TTBK1: variants seen among roughly 807,000 people sequenced by gnomAD.
TTBK1 encodes the protein tau-tubulin kinase 1.
TTBK1 carries 34 observed loss-of-function variants against 108.5 expected under a neutral mutation model. That is an observed-to-expected ratio of 0.31 (90% CI 0.24 to 0.42). TTBK1 has a LOEUF of 0.42. Ranked by LOEUF, TTBK1 falls within the 10% of genes least tolerant of loss-of-function variation. The pLI is 1.00. For synonymous variants in TTBK1, 809 were observed against 795.1 expected (o/e 1.02, Z -0.29); for missense variants, 1,539 against 1,826.0 (o/e 0.84, Z 2.86).
At position 43,285,317 on chromosome 6, in the gene TTBK1, C is replaced by G; in HGVS notation, c.3907C>G (p.Gln1303Glu). 1 of 1,293,588 alleles carries G rather than the reference C, an allele frequency of 7.7e-7. No individual in the cohort carries two copies. The highest frequency in any genetic ancestry group is 2.0e-4 in the Middle Eastern group (1 of 4,948). 80.1% of individuals were successfully genotyped at this position (1,293,588 alleles called of 1,614,324 possible). Residue 1303 changes from glutamine to glutamate, a missense_variant, in exon 15 of 15, where the codon CAG becomes GAG. Coordinates refer to ENST00000259750, the MANE Select transcript of TTBK1 (RefSeq NM_032538.3). This position sits in a 1 kb window ranked among gnomAD's most constrained non-coding sequence, Gnocchi z 4.7. ...AGGACCCAGAGGGAAACTCCAGGCT[C>G]AGCGCGCAACAACCAAAGGCCGGGC... ...KKGPRGKLQA[Q>E]RATTKGRAGG... is the part of the protein sequence containing the mutation.
chr6:43,252,348 G>C (rs187128809), intron 2 of TTBK1, among the ~76,000 whole-genome samples: 28 of 151,986 alleles, frequency 1.8e-4, no homozygotes, highest in Middle Eastern at 3.4e-3. Flanking sequence ...CCTTCTGGCC[G>C]GGCACAGTGG....
intron 12 of TTBK1, among the ~76,000 whole-genome samples, chr6:43,260,369 G>A (rs1777507069): frequency 1.3e-5 from 2 of 152,184 alleles, no homozygotes. Context: ...CCTGAGAGAT[G>A]TTTCCATCTT....
chr6:43,246,158 C>T (rs781635981), intron 1 of TTBK1, among the ~76,000 whole-genome samples: 2 of 152,184 alleles, frequency 1.3e-5, no homozygotes, highest in African/African-American at 2.4e-5. Flanking sequence ...CCATGGGTCA[C>T]CCCTTGGGTA....
At chr6:43,256,709 C>T (rs1777391358) in intron 9 of TTBK1, among the ~76,000 whole-genome samples, 2 of 151,966 alleles carry the variant, frequency 1.3e-5, no homozygotes, top group Non-Finnish European at 2.9e-5. Flanking sequence ...ACAGCACTCC[C>T]GCCTGGGTGA....
At chr6:43,281,271 G>T (rs934508356) in intron 13 of TTBK1, among the ~76,000 whole-genome samples, 4 of 151,880 alleles carry the variant, frequency 2.6e-5, no homozygotes, top group Non-Finnish European at 5.9e-5. Flanking sequence ...AGCTACTAGG[G>T]AGGCTGAGAT....
chr6:43,278,882 G>C (rs1052807763), intron 13 of TTBK1, among the ~76,000 whole-genome samples: 3 of 152,230 alleles, frequency 2.0e-5, no homozygotes, highest in Non-Finnish European at 4.4e-5. Context: ...CGAAAAGCCA[G>C]CATGCCTAGG....
Position 43,253,389 on chromosome 6 carries a change from C to T in TTBK1, c.330+25C>T. ...GGTGAGTCCCCGTGGCCCATCCTCGCTCCCCTCTCTAAGAGCTTGGGCTGT... is the reference window on the plus strand; with the variant it reads ...GGTGAGTCCCCGTGGCCCATCCTCGTTCCCCTCTCTAAGAGCTTGGGCTGT... On this transcript the variant is annotated intron_variant, in intron 4 of 14. Coordinates refer to ENST00000259750, the MANE Select transcript of TTBK1 (RefSeq NM_032538.3). This position sits in a 1 kb window ranked among gnomAD's most constrained non-coding sequence, Gnocchi z 5.8. The T allele has an allele frequency of 6.2e-7, 1 of 1,612,978 alleles. No homozygotes were observed. The highest frequency in any genetic ancestry group is 1.3e-5 in the African/African-American group (1 of 75,004).
chr6:43,275,437 C>T (rs1777951856), intron 13 of TTBK1, among the ~76,000 whole-genome samples: 3 of 152,014 alleles, frequency 2.0e-5, no homozygotes, highest in African/African-American at 7.2e-5. Flanking sequence ...GGTCCCTGGC[C>T]CCGGGGCGGG....
chr6:43,282,598 C>T lies in TTBK1; in HGVS notation c.1987-129C>T. On this transcript the variant is annotated intron_variant, in intron 13 of 14. Coordinates refer to ENST00000259750, the MANE Select transcript of TTBK1 (RefSeq NM_032538.3). This position sits in a 1 kb window ranked among gnomAD's most constrained non-coding sequence, Gnocchi z 5.4. ...AGACAGACCCAGTGCCTGTGCTTAA[C>T]TTTATGGAGCTCACACTCTGGTAGA... 1 of 760,484 alleles carries T rather than the reference C, an allele frequency of 1.3e-6. No individual in the cohort carries two copies. Among genetic ancestry groups the T allele is most frequent in the Non-Finnish European group, 2.2e-6 (1 of 455,000 alleles). The allele number at this position is 760,484 out of a possible 1,614,324, so 47.1% of individuals were successfully genotyped here. A position where few individuals can be genotyped will look rare whatever the true frequency, so the allele number is the denominator to read the frequency against.
intron 13 of TTBK1, among the ~76,000 whole-genome samples, chr6:43,272,897 G>A (rs201224882): frequency 1.4e-5 from 2 of 138,504 alleles, no homozygotes; most frequent in Non-Finnish European, 3.2e-5. Flanking sequence ...TAGCCTCCTC[G>A]GGGTCAGCTT....
rs763108283 is a variant in TTBK1 at position 43,283,026 on chromosome 6, A to AGAGGAGGAGGAG, written c.2289_2300dup (p.Glu768_Glu771dup). Reference sequence around the variant, plus strand: ...AGGAAGAGGAAGAGGAGGAGGAAGAAGAGGAGGAGGAGGAAGAGGAGGAGG... The same window carrying AGAGGAGGAGGAG: ...AGGAAGAGGAAGAGGAGGAGGAAGAAGAGGAGGAGGAGGAGGAGGAGGAGGAAGAGGAGGAGG... On this transcript the variant is annotated inframe_insertion, in exon 14 of 15. Coordinates refer to ENST00000259750, the MANE Select transcript of TTBK1 (RefSeq NM_032538.3). This position sits in a 1 kb window ranked among gnomAD's most constrained non-coding sequence, Gnocchi z 8.1. The AGAGGAGGAGGAG allele has an allele frequency of 6.3e-7, 1 of 1,589,792 alleles. No homozygotes were observed. Among genetic ancestry groups the AGAGGAGGAGGAG allele is most frequent in the Non-Finnish European group, 8.6e-7 (1 of 1,166,162 alleles).
At position 43,255,443 on chromosome 6, in the gene TTBK1, G is replaced by A. The variant is rs568313411; in HGVS notation, c.643-109G>A. ...AGGGAGACCCCAGTTCTGTCCTTAGGGGCCTGGGTGTCAGGCCTCCCTGAC... is the reference window on the plus strand; with the variant it reads ...AGGGAGACCCCAGTTCTGTCCTTAGAGGCCTGGGTGTCAGGCCTCCCTGAC... On this transcript the variant is annotated intron_variant, in intron 7 of 14. Coordinates refer to ENST00000259750, the MANE Select transcript of TTBK1 (RefSeq NM_032538.3). 720 of 1,014,394 alleles carry A rather than the reference G, an allele frequency of 7.1e-4. 1 individual carries two copies. Among genetic ancestry groups the A allele is most frequent in the Non-Finnish European group, 9.2e-4 (613 of 669,794 alleles). 62.8% of individuals were successfully genotyped at this position (1,014,394 alleles called of 1,614,324 possible). A position where few individuals can be genotyped will look rare whatever the true frequency, so the allele number is the denominator to read the frequency against.
intron 13 of TTBK1, among the ~76,000 whole-genome samples, chr6:43,275,872 C>CGGGG: frequency 6.6e-6 from 1 of 152,134 alleles, no homozygotes; most frequent in East Asian, 1.9e-4. Context: ...CCCCGCTCCC[C>CGGGG]GCTCGGAGGG....
chr6:43,251,705 GAGACGAGAGGGTC>G (rs1777245183), intron 2 of TTBK1, among the ~76,000 whole-genome samples: 3 of 151,944 alleles, frequency 2.0e-5, no homozygotes, highest in African/African-American at 7.3e-5. Flanking sequence ...CTGGAGGGGG[GAGACGAGAGGGTC>G]AGACCGCTGC....
chr6:43,264,648 C>T (rs759949430), intron 13 of TTBK1, among the ~76,000 whole-genome samples: 5 of 152,074 alleles, frequency 3.3e-5, no homozygotes, highest in Middle Eastern at 3.4e-3. Flanking sequence ...AGGGAGAGGT[C>T]GGAGCATGGG....
chr6:43,274,230 C>T lies in TTBK1; in HGVS notation c.1987-8497C>T, dbSNP rs542291713. 1.8e-4 allele frequency among the ~76,000 whole-genome samples: 27 copies of T among 152,322 alleles called. 1 individual carries two copies. In the South Asian group the frequency reaches 1.9e-3, roughly 11 times the overall value. ...CATCCCAACCGCTAACATCCTGAAC[C>T]CAACGATATCCCTTTGCATTTCCAG... On this transcript the variant is annotated intron_variant, in intron 13 of 14. Transcript: ENST00000259750.
chr6:43,247,135 A>T (rs1258760812), intron 2 of TTBK1, among the ~76,000 whole-genome samples: 1 of 151,648 alleles, frequency 6.6e-6, no homozygotes, highest in Non-Finnish European at 1.5e-5. Context: ...AGGGCAGTGG[A>T]CGAGCATGTG....
intron 7 of TTBK1, 57 bp downstream of exon 7, chr6:43,255,171 GCA>G: frequency 8.2e-7 from 1 of 1,215,338 alleles, no homozygotes; most frequent in East Asian, 2.4e-5. Context: ...AGGTCGGGGT[GCA>G]GTGTGCTGCT....
rs779473291 is a variant in TTBK1 at position 43,259,723 on chromosome 6, G to A, written c.1424+17G>A. 66 of 1,549,782 alleles carry A rather than the reference G, an allele frequency of 4.3e-5. No individual in the cohort carries two copies. The Admixed American group carries it at 1.3e-3, about 31-fold the overall frequency. On this transcript the variant is annotated intron_variant, in intron 12 of 14. Transcript: ENST00000259750. The surrounding 1 kb of genome is among the most constrained non-coding windows in gnomAD (Gnocchi z 6.7). ...TGAGAGGAGGTGGGTCTGGGGCCAG[G>A]GGCATGGTTGGGGCCCAAGGCCCTC... is the stretch of plus-strand genomic sequence containing the variant.
Sources: allele counts gnomAD v4.1 joint callset (sites outside exome capture counted in the v4.1 genomes callset), GRCh38; gene constraint gnomAD v4.1.1; non-coding constraint Gnocchi (gnomAD v3.1); transcripts MANE v1.5; gene names NCBI Gene and HGNC (gene_info 2026-07-23, HGNC 2026-07-21).